Variants in PTPRO observed in about 807,000 individuals in gnomAD.
PTPRO encodes the protein protein tyrosine phosphatase receptor type O, also known as receptor-type tyrosine-protein phosphatase O.
A neutral mutation model predicts 145.2 loss-of-function variants in PTPRO; 62 were observed. The observed-to-expected ratio is 0.43, with a 90% CI of 0.35 to 0.53. PTPRO has a LOEUF of 0.53. Among genes scored for constraint, PTPRO ranks in the 20% least tolerant of loss-of-function variants. The probability of loss-of-function intolerance (pLI) is 0.01; values close to 1 mark genes in which losing one functional copy is unlikely to be tolerated. For synonymous variants in PTPRO, 565 were observed against 514.7 expected, an observed-to-expected ratio of 1.10 and a Z score of -1.32; for missense variants, 1,345 against 1,482.7, an observed-to-expected ratio of 0.91 and a Z score of 1.53.
intron 1 of PTPRO, among the ~76,000 whole-genome samples, chr12:15,373,636 G>A (rs893287168): frequency 6.6e-6 from 1 of 152,080 alleles, no homozygotes; most frequent in African/African-American, 2.4e-5. Context: ...ATTTTGAGTA[G>A]CATTTATTCA....
rs552302868 is a variant in PTPRO, at chr12:15,549,246, T to TCTGGTCTTTGGAAGTTCTTTCC, written c.2437+20_2437+21insCTGGTCTTTGGAAGTTCTTTCC. 17 of 1,555,142 alleles carry TCTGGTCTTTGGAAGTTCTTTCC rather than the reference T, an allele frequency of 1.1e-5. No individual in the cohort carries two copies. In the African/African-American group the frequency reaches 1.9e-4, roughly 18 times the overall value. ...CAATGGGTAATTATACACATTAGTG[T>TCTGGTCTTTGGAAGTTCTTTCC]ATAATTTTCTCACTTTTTTTGAATA... On this transcript the variant is annotated intron_variant, in intron 14 of 26. Transcript: ENST00000281171.
At chr12:15,352,017 T>C (rs979079360) in intron 1 of PTPRO, among the ~76,000 whole-genome samples, 1 of 152,182 alleles carries the variant, frequency 6.6e-6, no homozygotes, top group Non-Finnish European at 1.5e-5. Flanking sequence ...TCTCCATGTC[T>C]CTGCTCTGTT....
chr12:15,518,596 A>G (rs1172046998), intron 9 of PTPRO, among the ~76,000 whole-genome samples: 1 of 152,118 alleles, frequency 6.6e-6, no homozygotes, highest in Non-Finnish European at 1.5e-5. Context: ...CCCTTTTAAA[A>G]CTGAATGCCT....
At position 15,594,947 on chromosome 12, in the gene PTPRO, T is replaced by C. The variant is rs2135682568; in HGVS notation, c.3557T>C (p.Ile1186Thr). 6.2e-7 allele frequency: 1 copy of C among 1,613,320 alleles called. No individual in the cohort carries two copies. The highest frequency in any genetic ancestry group is 8.5e-7 in the Non-Finnish European group (1 of 1,179,446). ...MSMVQTEEQY[I>T]FIHQCVQLMW... is the part of the protein sequence containing the mutation. ...TGTCTTTTGTTCCAGGAGCAGTACA[T>C]TTTTATCCATCAGTGTGTGCAACTG... is the stretch of plus-strand genomic sequence containing the variant. Residue 1186 changes from isoleucine to threonine, a missense_variant, in exon 26 of 27, where the codon ATT (isoleucine) becomes ACT (threonine). Coordinates refer to ENST00000281171, the MANE Select transcript of PTPRO (RefSeq NM_030667.3).
chr12:15,380,312 G>T (rs961232441), intron 1 of PTPRO, among the ~76,000 whole-genome samples: 1 of 151,876 alleles, frequency 6.6e-6, no homozygotes, highest in Admixed American at 6.6e-5. Flanking sequence ...CTTAAATTAC[G>T]AATAGGGAAT....
intron 18 of PTPRO, among the ~76,000 whole-genome samples, chr12:15,568,849 A>G (rs1453032393): frequency 6.6e-6 from 1 of 152,216 alleles, no homozygotes; most frequent in Non-Finnish European, 1.5e-5. Flanking sequence ...GTTTCATCCC[A>G]CTGATCCTGC....
chr12:15,439,980 G>A, intron 1 of PTPRO: 1 of 685,098 alleles, frequency 1.5e-6, no homozygotes, highest in Non-Finnish European at 2.7e-6. Flanking sequence ...GCCATCTGCG[G>A]GGCCATCATC....
chr12:15,410,718 T>C (rs937761978), intron 1 of PTPRO: 1 of 152,222 alleles, frequency 6.6e-6, no homozygotes, highest in Non-Finnish European at 1.5e-5. Flanking sequence ...AGAGAATGCT[T>C]TAGTCAGTCT....
At chr12:15,505,067 A>G (rs1393137886) in intron 6 of PTPRO, among the ~76,000 whole-genome samples, 3 of 152,192 alleles carry the variant, frequency 2.0e-5, no homozygotes, top group African/African-American at 7.2e-5. Context: ...TTACTTAAGA[A>G]AGAGGACAAA....
rs1466197438 is a variant in PTPRO at position 15,531,914 on chromosome 12, A to T, written c.2164+5652A>T. ...ACAGTCTCAAGCCATCTCTGTTATT[A>T]CATGTGTTCATATTAGCAGCTGTAA... On this transcript the variant is annotated intron_variant, in intron 12 of 26. Coordinates refer to ENST00000281171, the MANE Select transcript of PTPRO (RefSeq NM_030667.3). 5.3e-5 allele frequency among the ~76,000 whole-genome samples: 8 copies of T among 152,144 alleles called. No homozygotes were observed. In the East Asian group the frequency reaches 1.5e-3, roughly 29 times the overall value.
intron 1 of PTPRO, among the ~76,000 whole-genome samples, chr12:15,461,653 C>A (rs1333978651): frequency 6.6e-6 from 1 of 150,898 alleles, no homozygotes; most frequent in Non-Finnish European, 1.5e-5. Context: ...CTGCAACCTC[C>A]GCCTCCTGGG....
At position 15,336,480 on chromosome 12, in the gene PTPRO, T is replaced by C. The variant is rs564513523; in HGVS notation, c.75+13679T>C. ...TGTTGAGCAAAGAGATTGTTGTCTA[T>C]GTATGTGCCCACCATTAGTGTAACT... On this transcript the variant is annotated intron_variant, in intron 1 of 26. Transcript: ENST00000281171. Among the ~76,000 whole-genome samples the C allele has an allele frequency of 2.6e-4, 40 of 152,324 alleles. No individual in the cohort carries two copies. In the South Asian group the frequency reaches 5.0e-3, roughly 19 times the overall value.
intron 1 of PTPRO, among the ~76,000 whole-genome samples, chr12:15,366,664 GT>G (rs948979571): frequency 6.6e-6 from 1 of 152,086 alleles, no homozygotes; most frequent in African/African-American, 2.4e-5. Context: ...AGGTGTACTT[GT>G]TTTTATTAAT....
chr12:15,565,811 G>T (rs1308739816), intron 18 of PTPRO, among the ~76,000 whole-genome samples, 183 bp downstream of exon 18: 2 of 152,186 alleles, frequency 1.3e-5, no homozygotes, highest in African/African-American at 4.8e-5. Flanking sequence ...CACTAGAAAA[G>T]TGTATCACAG....
chr12:15,356,118 C>T (rs183433599), intron 1 of PTPRO, among the ~76,000 whole-genome samples: 1 of 152,026 alleles, frequency 6.6e-6, no homozygotes, highest in Non-Finnish European at 1.5e-5. Flanking sequence ...ATGTTACTAG[C>T]AACTAAAATA....
intron 1 of PTPRO, among the ~76,000 whole-genome samples, chr12:15,331,946 T>C: frequency 6.6e-6 from 1 of 150,940 alleles, no homozygotes; most frequent in Non-Finnish European, 1.5e-5. Context: ...AGTATCCTTT[T>C]TGTTTCTCTT....
intron 1 of PTPRO, among the ~76,000 whole-genome samples, chr12:15,444,224 A>G (rs919158802): frequency 6.6e-6 from 1 of 152,156 alleles, no homozygotes; most frequent in African/African-American, 2.4e-5. Context: ...TAAGCAAATT[A>G]ACACAGGAAC....
intron 12 of PTPRO, among the ~76,000 whole-genome samples, chr12:15,535,346 C>G (rs1037013406): frequency 6.6e-6 from 1 of 151,926 alleles, no homozygotes; most frequent in Non-Finnish European, 1.5e-5. Context: ...GAGGAGCCAC[C>G]CCAGCAGTTA....
At chr12:15,440,843 G>A (rs565799425) in intron 1 of PTPRO, among the ~76,000 whole-genome samples, 3 of 152,282 alleles carry the variant, frequency 2.0e-5, no homozygotes, top group East Asian at 1.9e-4. Flanking sequence ...TCATAAATAT[G>A]TATGCATCAA....
Sources: allele counts gnomAD v4.1 joint callset (sites outside exome capture counted in the v4.1 genomes callset), GRCh38; gene constraint gnomAD v4.1.1; transcripts MANE v1.5; gene names NCBI Gene and HGNC (gene_info 2026-07-23, HGNC 2026-07-21).